Variants in CTTN observed in about 807,000 individuals in gnomAD.
The protein encoded by CTTN is cortactin, also known as src substrate cortactin.
A neutral mutation model predicts 84.0 loss-of-function variants in CTTN; 28 were observed. The observed-to-expected ratio is 0.33, with a 90% CI of 0.25 to 0.46. The LOEUF is 0.46. Ranked by LOEUF, CTTN falls within the 20% of genes least tolerant of loss-of-function variation. The pLI is 1.00. For missense variants in CTTN, 641 were observed against 723.8 expected (o/e 0.89, Z 1.31); for synonymous variants, 301 against 288.8 (o/e 1.04, Z -0.43).
At chr11:70,405,805 TG>T (rs1310759745) in intron 2 of CTTN, among the ~76,000 whole-genome samples, 1 of 152,160 alleles carries the variant, frequency 6.6e-6, no homozygotes, top group African/African-American at 2.4e-5. Context: ...TCCTTTGCCT[TG>T]GGGGTGAAGG....
chr11:70,411,277 G>A (rs1474413235), intron 5 of CTTN, among the ~76,000 whole-genome samples: 1 of 114,844 alleles, frequency 8.7e-6, no homozygotes, highest in South Asian at 3.9e-4. Flanking sequence ...AGTGCAGCGA[G>A]CGAAGCGTGT....
At chr11:70,433,537 C>CG in intron 16 of CTTN, 110 bp from the exon 17 acceptor site, 1 of 932,008 alleles carries the variant, frequency 1.1e-6, no homozygotes, top group Non-Finnish European at 1.8e-6. Context: ...TTTCAGCTGC[C>CG]GCCCTGTGTC....
Position 70,435,150 on chromosome 11 carries a change from G to A in CTTN, c.1641G>A (p.Glu547=). 6.2e-7 allele frequency: 1 copy of A among 1,610,504 alleles called. No homozygotes were observed. The highest frequency in any genetic ancestry group is 1.1e-5 in the South Asian group (1 of 90,974). The change falls in exon 18 of 18, where the codon GAG becomes GAA. Residue 547 remains glutamate, a synonymous_variant. Coordinates refer to ENST00000301843, the MANE Select transcript of CTTN (RefSeq NM_005231.4). ...GGCTCTTCCCAGCCAACTATGTGGA[G>A]CTGCGGCAGTAGGGCCCCCAGCCCC... The part of the protein sequence containing the change: ...RYGLFPANYV[E]LRQ
intron 12 of CTTN, among the ~76,000 whole-genome samples, chr11:70,423,696 CAAG>C (rs2058269091): frequency 6.6e-6 from 1 of 152,068 alleles, no homozygotes; most frequent in South Asian, 2.1e-4. Flanking sequence ...TGCAGGTTCT[CAAG>C]GAGCCTAGCT....
intron 11 of CTTN, 96 bp downstream of exon 11, chr11:70,421,676 A>C (rs1023388285): frequency 1.2e-5 from 10 of 820,426 alleles, no homozygotes; most frequent in Non-Finnish European, 1.9e-5. Context: ...CCTGCAACAC[A>C]GTCCTCCTGT....
chr11:70,426,644 G>A (rs1170569323), intron 13 of CTTN, among the ~76,000 whole-genome samples: 3 of 150,056 alleles, frequency 2.0e-5, no homozygotes, highest in Non-Finnish European at 4.4e-5. Flanking sequence ...GTGCAGTGGC[G>A]CGGACTCGGC....
intron 7 of CTTN, among the ~76,000 whole-genome samples, chr11:70,416,514 C>A (rs933804407): frequency 6.6e-6 from 1 of 152,186 alleles, no homozygotes; most frequent in Non-Finnish European, 1.5e-5. Context: ...TCACTGCAAC[C>A]TGCGCCTCCT....
intron 6 of CTTN, 44 bp downstream of exon 6, chr11:70,414,696 G>T (rs772414288): frequency 1.4e-6 from 2 of 1,455,648 alleles, no homozygotes; most frequent in African/African-American, 1.4e-5. Context: ...GGGGCAAGGG[G>T]GGCGTTCCCC....
In CTTN at chr11:70,428,153, CTTTTTTTTTTTTTT is replaced by C. The variant is rs60189081; in HGVS notation, c.1028-880_1028-867del. On this transcript the variant is annotated intron_variant, in intron 13 of 17. Coordinates refer to ENST00000301843, the MANE Select transcript of CTTN (RefSeq NM_005231.4). ...CAGGGAAGGCTCATGTGTCTTCCCA[CTTTTTTTTTTTTTT>C]TTTTTTTTTTTTTTTTTGAGACAGA... is the stretch of plus-strand genomic sequence containing the variant. Among the ~76,000 whole-genome samples the C allele has an allele frequency of 3.0e-4, 19 of 62,622 alleles. 1 individual carries two copies. The South Asian group carries it at 3.8e-3, about 13-fold the overall frequency. The allele number at this position is 62,622 out of a possible 152,430, so 41.1% of individuals were successfully genotyped here.
chr11:70,433,313 G>A, intron 16 of CTTN, 35 bp downstream of exon 16: 1 of 1,560,554 alleles, frequency 6.4e-7, no homozygotes, highest in Non-Finnish European at 8.6e-7. Context: ...CCCTGCCCAG[G>A]GCAGGGAGCT....
chr11:70,432,828 C>T (rs2058369096), intron 15 of CTTN, among the ~76,000 whole-genome samples: 1 of 152,112 alleles, frequency 6.6e-6, no homozygotes, highest in African/African-American at 2.4e-5. Flanking sequence ...AGGGGCGTGT[C>T]TCCTAACCTG....
intron 5 of CTTN, chr11:70,410,214 G>T: frequency 2.5e-6 from 1 of 399,838 alleles, no homozygotes. Context: ...AGGGAGATTG[G>T]CCCTCAGAGG....
intron 3 of CTTN, 54 bp from the exon 4 acceptor site, chr11:70,407,464 T>C: frequency 6.2e-7 from 1 of 1,611,960 alleles, no homozygotes; most frequent in Non-Finnish European, 8.5e-7. Flanking sequence ...GGGGTGGTGG[T>C]TTGTCTGTGT....
At chr11:70,423,962 G>A (rs1329928855) in intron 12 of CTTN, among the ~76,000 whole-genome samples, 1 of 152,200 alleles carries the variant, frequency 6.6e-6, no homozygotes, top group Non-Finnish European at 1.5e-5. Context: ...GGGCTCGGGT[G>A]GTGGAGAAGC....
At chr11:70,405,384 C>A (rs1444391886) in intron 2 of CTTN, 23 bp downstream of exon 2, 1 of 152,206 alleles carries the variant, frequency 6.6e-6, no homozygotes, top group East Asian at 1.9e-4. Context: ...TGTGAACATC[C>A]TAACATTCTT....
intron 13 of CTTN, among the ~76,000 whole-genome samples, chr11:70,426,545 G>A (rs1318978358): frequency 6.6e-6 from 1 of 152,064 alleles, no homozygotes; most frequent in Admixed American, 6.5e-5. Flanking sequence ...TCAGCCTCTG[G>A]AGTAGCTGGA....
intron 10 of CTTN, 93 bp from the exon 11 acceptor site, chr11:70,421,377 C>A: frequency 1.1e-6 from 1 of 905,874 alleles, no homozygotes; most frequent in Non-Finnish European, 1.8e-6. Flanking sequence ...TTTCTGGAAA[C>A]TGTGTTTGAT....
chr11:70,403,186 CTTTTT>C (rs1209259210), intron 1 of CTTN, among the ~76,000 whole-genome samples: 2 of 114,706 alleles, frequency 1.7e-5, no homozygotes, highest in South Asian at 2.7e-4. Context: ...ATAAGAGTTC[CTTTTT>C]TTTTTTTTTT....
intron 15 of CTTN, 150 bp downstream of exon 15, chr11:70,431,430 A>C: frequency 1.3e-6 from 1 of 768,510 alleles, no homozygotes; most frequent in Middle Eastern, 3.7e-4. Flanking sequence ...GGGGTGGGCC[A>C]GGAGCGCCTG....
Sources: gnomAD v4.1 joint callset for allele counts (sites outside exome capture counted in the v4.1 genomes callset) on GRCh38, gnomAD v4.1.1 for gene constraint, MANE v1.5 for transcripts, NCBI Gene and HGNC (gene_info 2026-07-23, HGNC 2026-07-21) for gene names.